The following CROCC2 variants were observed in gnomAD, a reference collection of about 807,000 sequenced individuals.
The protein encoded by CROCC2 is ciliary rootlet coiled-coil, rootletin family member 2.
In CROCC2, 163 loss-of-function variants were observed where a neutral mutation model predicts 177.6. That is an observed-to-expected ratio of 0.92 (90% CI 0.81 to 1.05). The LOEUF (loss-of-function observed/expected upper bound fraction) is 1.05, where lower values mean the gene tolerates loss of function less well. Among genes scored for constraint, CROCC2 ranks in the 50% least tolerant of loss-of-function variants. CROCC2 has a pLI of 0.00. For synonymous variants in CROCC2, 904 were observed against 787.3 expected (o/e 1.15, Z -2.48); for missense variants, 1,929 against 1,797.8 (o/e 1.07, Z -1.32).
intron 19 of CROCC2, among the ~76,000 whole-genome samples, chr2:240,956,882 C>A (rs1424908596): frequency 6.6e-6 from 1 of 152,080 alleles, no homozygotes; most frequent in African/African-American, 2.4e-5. Flanking sequence ...GTGGCCAGAG[C>A]CCAGCGATAG....
intron 20 of CROCC2, among the ~76,000 whole-genome samples, chr2:240,962,215 T>C (rs942792586): frequency 4.0e-5 from 6 of 151,716 alleles, no homozygotes; most frequent in Non-Finnish European, 8.8e-5. Flanking sequence ...AAGAAATAAT[T>C]ATTATAATCA....
At chr2:240,963,888 A>G (rs577774430) in intron 21 of CROCC2, 115 bp downstream of exon 21, 13,217 of 1,133,742 alleles carry the variant, frequency 0.012, 109 homozygotes, top group Middle Eastern at 0.019. Context: ...CTTGGGCCCC[A>G]CTGATGGTGG....
At chr2:240,983,243 G>A in intron 28 of CROCC2, 1 of 877,450 alleles carries the variant, frequency 1.1e-6, no homozygotes. Flanking sequence ...GGGGCCCACA[G>A]GGAGTCAGGG....
In CROCC2 at chr2:240,920,115, G is replaced by C. The variant is rs758924263; in HGVS notation, c.362G>C (p.Cys121Ser). ...GAGCGAGATGAGCTGGCCAGCAGGT[G>C]CCGTGTGGTCAGCGAGCAGGTGCGT... Reference protein sequence around the residue: ...SAERDELASRCRVVSEQLQAR... With the variant: ...SAERDELASRSRVVSEQLQAR... The change falls in exon 3 of 32, where the codon TGC (cysteine) becomes TCC (serine). Residue 121 changes from cysteine (C) to serine (S), a missense_variant. Transcript: ENST00000690015. 8.6e-6 allele frequency: 6 copies of C among 699,396 alleles called. No individual in the cohort carries two copies. The Admixed American group carries it at 1.2e-4, about 14-fold the overall frequency. 43.3% of individuals were successfully genotyped at this position (699,396 alleles called of 1,614,324 possible). A position where few individuals can be genotyped will look rare whatever the true frequency, so the allele number is the denominator to read the frequency against.
chr2:240,961,795 TCA>T (rs2059638291), intron 20 of CROCC2, among the ~76,000 whole-genome samples: 1 of 81,550 alleles, frequency 1.2e-5, no homozygotes, highest in Non-Finnish European at 2.3e-5. Flanking sequence ...ACACACGCAC[TCA>T]CACATACACT....
At chr2:240,944,443 A>G (rs1438121988) in intron 14 of CROCC2, among the ~76,000 whole-genome samples, 2 of 152,160 alleles carry the variant, frequency 1.3e-5, no homozygotes, top group Non-Finnish European at 2.9e-5. Flanking sequence ...TATGATGGGC[A>G]TTTTTAGCTT....
chr2:240,962,886 CT>C (rs149597008), intron 20 of CROCC2, among the ~76,000 whole-genome samples: 4,397 of 152,310 alleles, frequency 0.029, 147 homozygotes, highest in East Asian at 0.16. Context: ...GACCCCACCC[CT>C]GGGTTCTCCC....
rs371149138 is a variant in CROCC2, at chr2:240,981,210, A to T, written c.4402-1670A>T. On this transcript the variant is annotated intron_variant, in intron 27 of 31. Coordinates refer to ENST00000690015, the MANE Select transcript of CROCC2 (RefSeq NM_001351305.2). ...GCTCAGTCTCTGGGGTAGGAGCCTC[A>T]GGAGCCCAGGCTCATCCCTGCTCAG... is the stretch of plus-strand genomic sequence containing the variant. Among the ~76,000 whole-genome samples the T allele has an allele frequency of 4.1e-3, 531 of 130,278 alleles. 48 individuals are homozygous for T. In the East Asian group the frequency reaches 0.052, roughly 13 times the overall value. 85.5% of individuals were successfully genotyped at this position (130,278 alleles called of 152,430 possible). A position where few individuals can be genotyped will look rare whatever the true frequency, so the allele number is the denominator to read the frequency against.
In CROCC2 at chr2:240,933,443, G is replaced by A. The variant is rs547440428; in HGVS notation, c.1463+101G>A. 4 of 1,280,552 alleles carry A rather than the reference G, an allele frequency of 3.1e-6. No homozygotes were observed. The Admixed American group carries it at 1.1e-4, about 36-fold the overall frequency. 79.3% of individuals were successfully genotyped at this position (1,280,552 alleles called of 1,614,324 possible). A position where few individuals can be genotyped will look rare whatever the true frequency, so the allele number is the denominator to read the frequency against. On this transcript the variant is annotated intron_variant, in intron 10 of 31. Transcript: ENST00000690015. Reference sequence around the variant, plus strand: ...AAGCACCTCTAGAGCTGGAGGGGTTGCCAGCCGGGGAGGGGTCCTTGCCTT... The same window carrying A: ...AAGCACCTCTAGAGCTGGAGGGGTTACCAGCCGGGGAGGGGTCCTTGCCTT...
At chr2:240,922,082 A>G (rs1314653654) in intron 3 of CROCC2, among the ~76,000 whole-genome samples, 1 of 152,102 alleles carries the variant, frequency 6.6e-6, no homozygotes, top group Admixed American at 6.5e-5. Flanking sequence ...GTGACCTTCC[A>G]TCCTGCCCCT....
chr2:240,940,634 CAAAAT>C (rs2059490343), intron 14 of CROCC2, among the ~76,000 whole-genome samples: 1 of 152,038 alleles, frequency 6.6e-6, no homozygotes, highest in Non-Finnish European at 1.5e-5. Flanking sequence ...AAGCGTTTGA[CAAAAT>C]CCAGCATCCC....
At position 240,946,266 on chromosome 2, in the gene CROCC2, C is replaced by G. The variant is rs534676041; in HGVS notation, c.2363+13C>G. The G allele has an allele frequency of 6.6e-7, 1 of 1,518,012 alleles. No homozygotes were observed. Among genetic ancestry groups the G allele is most frequent in the South Asian group, 1.2e-5 (1 of 81,604 alleles). The allele number at this position is 1,518,012 out of a possible 1,614,324, so 94.0% of individuals were successfully genotyped here. ...CAGCTGATCTCAGGTATGCAAGGGC[C>G]TGCCAGTCAGGGCATGTCCCACGTG... On this transcript the variant is annotated intron_variant, in intron 15 of 31. Coordinates refer to ENST00000690015, the MANE Select transcript of CROCC2 (RefSeq NM_001351305.2).
At chr2:240,961,437 G>A (rs576222211) in intron 20 of CROCC2, among the ~76,000 whole-genome samples, 99 of 151,532 alleles carry the variant, frequency 6.5e-4, no homozygotes, top group African/African-American at 1.9e-3. Context: ...GCATGTGTGC[G>A]CACACATGCA....
chr2:240,943,445 G>T (rs551462072), intron 14 of CROCC2, among the ~76,000 whole-genome samples: 1 of 148,986 alleles, frequency 6.7e-6, no homozygotes, highest in Non-Finnish European at 1.5e-5. Flanking sequence ...TAAGCCTGCT[G>T]AAATCTTAGG....
rs116274776 is a variant in CROCC2 at position 240,914,998 on chromosome 2, C to T, written c.79-3728C>T. Among the ~76,000 whole-genome samples the T allele has an allele frequency of 7.1e-3, 1,084 of 152,356 alleles. 4 individuals are homozygous for T. Among genetic ancestry groups the T allele is most frequent in the Non-Finnish European group, 0.011 (729 of 68,032 alleles). ...GTGGCCTCCAGATAAAGCCAAGACT[C>T]GGGTTTTTCGGTGCAGACCTACAGT... is the stretch of plus-strand genomic sequence containing the variant. On this transcript the variant is annotated intron_variant, in intron 1 of 31. Coordinates refer to ENST00000690015, the MANE Select transcript of CROCC2 (RefSeq NM_001351305.2).
intron 14 of CROCC2, among the ~76,000 whole-genome samples, chr2:240,937,934 T>C (rs2059479543): frequency 1.3e-5 from 2 of 152,238 alleles, no homozygotes; most frequent in South Asian, 2.1e-4. Context: ...CCTGCCACCA[T>C]GTGAAGAAGG....
rs1041309968 is a variant in CROCC2, at chr2:240,918,707, C to A, written c.79-19C>A. ...GTTGGGGGCTGCCATCTCCAGGTAT[C>A]TCTGGGGGTGTCTTTCAGAGACTGG... On this transcript the variant is annotated intron_variant, in intron 1 of 31. Coordinates refer to ENST00000690015, the MANE Select transcript of CROCC2 (RefSeq NM_001351305.2). The surrounding 1 kb of genome is among the most constrained non-coding windows in gnomAD (Gnocchi z 6.3). 36 of 556,128 alleles carry A rather than the reference C, an allele frequency of 6.5e-5. No individual in the cohort carries two copies. The highest frequency in any genetic ancestry group is 1.1e-4 in the Non-Finnish European group (34 of 308,012). 34.4% of individuals were successfully genotyped at this position (556,128 alleles called of 1,614,324 possible).
rs1366701771 is a variant in CROCC2, at chr2:240,932,914, C to T, written c.1251+6C>T. 8.4e-6 allele frequency: 13 copies of T among 1,544,482 alleles called. No individual in the cohort carries two copies. Among genetic ancestry groups the T allele is most frequent in the East Asian group, 4.9e-5 (2 of 40,910 alleles). On this transcript the variant is annotated splice_donor_region_variant and intron_variant, in intron 9 of 31. Coordinates refer to ENST00000690015, the MANE Select transcript of CROCC2 (RefSeq NM_001351305.2). ...GGCGGTGGCGGCGGGAACAGGTGGG[C>T]AGCCGCAGCCCACAGGACTCCCTGT...
At chr2:240,954,083 A>G (rs2059573954) in intron 18 of CROCC2, among the ~76,000 whole-genome samples, 1 of 152,182 alleles carries the variant, frequency 6.6e-6, no homozygotes, top group African/African-American at 2.4e-5. Context: ...CGAGCAAAAC[A>G]AGCAGGGCCT....
Sources: gnomAD v4.1 joint callset for allele counts (sites outside exome capture counted in the v4.1 genomes callset) on GRCh38, gnomAD v4.1.1 for gene constraint, Gnocchi (gnomAD v3.1) non-coding constraint, MANE v1.5 for transcripts, NCBI Gene and HGNC (gene_info 2026-07-23, HGNC 2026-07-21) for gene names.